The following AMDHD2 variants were observed in gnomAD, a reference collection of about 807,000 sequenced individuals.
The protein encoded by AMDHD2 is N-acetylglucosamine-6-phosphate deacetylase.
In AMDHD2, 24 loss-of-function variants were observed where a neutral mutation model predicts 41.8. The ratio of observed to expected loss-of-function variants is 0.57; its 90% CI spans 0.42 to 0.81. AMDHD2 has a LOEUF of 0.81. AMDHD2 is among the 30% of genes least tolerant of loss of function. The pLI, the probability that AMDHD2 is intolerant of heterozygous loss-of-function variation, is 0.00. For missense variants in AMDHD2, 540 were observed against 588.5 expected, an observed-to-expected ratio of 0.92 and a Z score of 0.85; for synonymous variants, 332 against 255.5, an observed-to-expected ratio of 1.30 and a Z score of -2.85.
intron 2 of AMDHD2, 32 bp downstream of exon 2, chr16:2,520,937 G>A (rs1457760799): frequency 2.5e-6 from 4 of 1,596,712 alleles, no homozygotes; most frequent in Admixed American, 3.4e-5. Flanking sequence ...GGAACCCAGG[G>A]GAGGAGCTCT....
chr16:2,526,583 C>T (rs1567130629), intron 3 of AMDHD2, among the ~76,000 whole-genome samples: 1 of 152,028 alleles, frequency 6.6e-6, no homozygotes, highest in South Asian at 2.1e-4. Flanking sequence ...CAAAGTCTGG[C>T]TGTCTTCTTT....
Position 2,527,432 on chromosome 16 carries a change from G to A in AMDHD2, c.361-129G>A. ...TGTGCTTTCCCTGACCCCTGTGAGG[G>A]GACAGGCGGCCGGGGCTGGGCTGGG... On this transcript the variant is annotated intron_variant, in intron 3 of 10. Coordinates refer to ENST00000293971, the MANE Select transcript of AMDHD2 (RefSeq NM_001330449.2). The surrounding 1 kb of genome is among the most constrained non-coding windows in gnomAD (Gnocchi z 6.1). The A allele has an allele frequency of 1.1e-6, 1 of 946,564 alleles. No individual in the cohort carries two copies. 58.6% of individuals were successfully genotyped at this position (946,564 alleles called of 1,614,324 possible). A position where few individuals can be genotyped will look rare whatever the true frequency, so the allele number is the denominator to read the frequency against.
intron 3 of AMDHD2, among the ~76,000 whole-genome samples, chr16:2,525,089 C>T (rs867736737): frequency 6.6e-6 from 1 of 151,898 alleles, no homozygotes; most frequent in African/African-American, 2.4e-5. Context: ...TGGAGTCTCC[C>T]TCTGTCACCC....
chr16:2,525,824 G>A (rs1440437287), intron 3 of AMDHD2, among the ~76,000 whole-genome samples: 8 of 152,184 alleles, frequency 5.3e-5, no homozygotes, highest in African/African-American at 1.7e-4. Context: ...GATTACTGGC[G>A]TGAGCCACCG....
chr16:2,521,919 G>A (rs1288608943), intron 3 of AMDHD2, among the ~76,000 whole-genome samples: 1 of 151,858 alleles, frequency 6.6e-6, no homozygotes, highest in African/African-American at 2.4e-5. Context: ...CAAGTAGCTG[G>A]GACTACAGGT....
Position 2,530,562 on chromosome 16 carries a change from C to T in AMDHD2, c.*999C>T, listed in dbSNP as rs2066076841. On this transcript the variant is annotated 3_prime_UTR_variant, in exon 11 of 11. Coordinates refer to ENST00000293971, the MANE Select transcript of AMDHD2 (RefSeq NM_001330449.2). ...TCCATTTGAGTTCTGGGGTGGGTGG[C>T]TCCCTTCCCCCTTGCTTACAGGTGC... The T allele has an allele frequency of 2.5e-6, 4 of 1,614,058 alleles. No homozygotes were observed. Among genetic ancestry groups the T allele is most frequent in the Non-Finnish European group, 3.4e-6 (4 of 1,180,024 alleles).
chr16:2,521,194 C>T lies in AMDHD2; in HGVS notation c.360+71C>T, dbSNP rs567583689. 21 of 1,459,936 alleles carry T rather than the reference C, an allele frequency of 1.4e-5. No individual in the cohort carries two copies. In the Admixed American group the frequency reaches 1.5e-4, roughly 10 times the overall value. 90.4% of individuals were successfully genotyped at this position (1,459,936 alleles called of 1,614,324 possible). A position where few individuals can be genotyped will look rare whatever the true frequency, so the allele number is the denominator to read the frequency against. On this transcript the variant is annotated intron_variant, in intron 3 of 10. Coordinates refer to ENST00000293971, the MANE Select transcript of AMDHD2 (RefSeq NM_001330449.2). ...ACCAGCGCCCTCATTTTCAAACTCA[C>T]GCCCCACCCCCCACCCCCAGCACGT... is the stretch of plus-strand genomic sequence containing the variant.
intron 3 of AMDHD2, among the ~76,000 whole-genome samples, chr16:2,525,614 G>A (rs566297416): frequency 2.6e-5 from 4 of 151,848 alleles, no homozygotes; most frequent in African/African-American, 4.8e-5. Flanking sequence ...GCGCGATCTC[G>A]GCTCACTGCA....
At chr16:2,525,506 A>G (rs983983252) in intron 3 of AMDHD2, among the ~76,000 whole-genome samples, 2 of 151,682 alleles carry the variant, frequency 1.3e-5, no homozygotes, top group African/African-American at 4.8e-5. Context: ...AGCTGGGACT[A>G]CAGGCGTGTG....
At position 2,529,622 on chromosome 16, in the gene AMDHD2, T is replaced by C. The variant is rs1459253748; in HGVS notation, c.*59T>C. On this transcript the variant is annotated 3_prime_UTR_variant, in exon 11 of 11. Transcript: ENST00000293971. ...GCGGGATGCCATCAGGGCCGGGTGG[T>C]TGGGGAGCTGGTCTCCAGGGAGTGA... 7.5e-6 allele frequency: 12 copies of C among 1,597,746 alleles called. No homozygotes were observed. In the African/African-American group the frequency reaches 8.0e-5, roughly 11 times the overall value.
At chr16:2,528,931 T>TGGG in intron 9 of AMDHD2, 63 bp from the exon 10 acceptor site, 1 of 1,516,186 alleles carries the variant, frequency 6.6e-7, no homozygotes, top group Admixed American at 2.1e-5. Context: ...CTGGTGTGGT[T>TGGG]GGGGGCTGTT....
intron 3 of AMDHD2, among the ~76,000 whole-genome samples, chr16:2,523,988 C>G (rs190835437): frequency 6.6e-6 from 1 of 152,224 alleles, no homozygotes; most frequent in Admixed American, 6.5e-5. Context: ...GGAAGAGTCT[C>G]TGACAAGTAG....
At chr16:2,526,139 CT>C in intron 3 of AMDHD2, among the ~76,000 whole-genome samples, 1 of 148,476 alleles carries the variant, frequency 6.7e-6, no homozygotes, top group South Asian at 2.1e-4. Flanking sequence ...CTTTTCGAGG[CT>C]TGCCCAGGCT....
Position 2,521,064 on chromosome 16 carries a change from C to G in AMDHD2, c.301C>G (p.His101Asp), listed in dbSNP as rs918606429. The change falls in exon 3 of 11, where the codon CAC becomes GAC. Residue 101 changes from histidine (H) to aspartate (D), a missense_variant. His to Asp is a moderately conservative substitution (Grantham distance 81). Transcript: ENST00000293971. The stretch of plus-strand genomic sequence containing the variant: ...CCTCGTGGCCCGGAGGATCCTGTCG[C>G]ACGGCGTCACCTCCTTCTGCCCCAC... ...VALVARRILS[H>D]GVTSFCPTLV... The G allele has an allele frequency of 6.2e-7, 1 of 1,611,068 alleles. No homozygotes were observed. The highest frequency in any genetic ancestry group is 1.3e-5 in the African/African-American group (1 of 74,982).
chr16:2,529,159 G>A, intron 10 of AMDHD2, 64 bp downstream of exon 10: 3 of 1,440,720 alleles, frequency 2.1e-6, no homozygotes, highest in Non-Finnish European at 2.8e-6. Flanking sequence ...TTGTTCCTGG[G>A]GCGGCCTGGA....
chr16:2,521,119 A>G lies in AMDHD2; in HGVS notation c.356A>G (p.His119Arg), dbSNP rs2065930520. The change falls in exon 3 of 11, where the codon CAC becomes CGC. Residue 119 changes from histidine (H) to arginine (R), a missense_variant. Transcript: ENST00000293971. ...GTCACTTCCCCACCGGAGGTTTATC[A>G]CAAGGTGAGGTGAGGCTCCCTGGCT... ...TLVTSPPEVY[H>R]KVVPQIPVKS... The G allele has an allele frequency of 6.3e-7, 1 of 1,579,490 alleles. No homozygotes were observed. The highest frequency in any genetic ancestry group is 8.6e-7 in the Non-Finnish European group (1 of 1,156,914).
Position 2,528,449 on chromosome 16 carries a change from C to G in AMDHD2, c.863-3C>G. The G allele has an allele frequency of 6.2e-7, 1 of 1,612,872 alleles. No homozygotes were observed. The highest frequency in any genetic ancestry group is 1.3e-5 in the African/African-American group (1 of 75,062). ...AGCAGGTTCTGAGCCTCTTCTCCCC[C>G]AGGGCTGGTGCTGGTCACCGATGCC... is the stretch of plus-strand genomic sequence containing the variant. On this transcript the variant is annotated splice_region_variant and splice_polypyrimidine_tract_variant and intron_variant, in intron 7 of 10. Coordinates refer to ENST00000293971, the MANE Select transcript of AMDHD2 (RefSeq NM_001330449.2).
chr16:2,524,236 T>G (rs1359799091), intron 3 of AMDHD2, among the ~76,000 whole-genome samples: 2 of 152,250 alleles, frequency 1.3e-5, no homozygotes, highest in Non-Finnish European at 2.9e-5. Context: ...AGAAGCTTCT[T>G]CGGTCTTTTG....
chr16:2,530,907 C>A lies in AMDHD2; in HGVS notation c.*1344C>A. 1 of 1,613,522 alleles carries A rather than the reference C, an allele frequency of 6.2e-7. No individual in the cohort carries two copies. Among genetic ancestry groups the A allele is most frequent in the Non-Finnish European group, 8.5e-7 (1 of 1,179,992 alleles). On this transcript the variant is annotated 3_prime_UTR_variant, in exon 11 of 11. Coordinates refer to ENST00000293971, the MANE Select transcript of AMDHD2 (RefSeq NM_001330449.2). ...CACCTCTGCCTTGACGGCCGCGCAC[C>A]CCTTAGGAAGTGGCTGTCCAGCGCC...
Sources: allele counts gnomAD v4.1 joint callset (sites outside exome capture counted in the v4.1 genomes callset), GRCh38; gene constraint gnomAD v4.1.1; non-coding constraint Gnocchi (gnomAD v3.1); transcripts MANE v1.5; gene names NCBI Gene and HGNC (gene_info 2026-07-23, HGNC 2026-07-21).